LAMC3: variants seen among roughly 807,000 people sequenced by gnomAD.
The protein encoded by LAMC3 is laminin subunit gamma 3.
In LAMC3, 128 loss-of-function variants were observed where a neutral mutation model predicts 173.8. That is an observed-to-expected ratio of 0.74 (90% CI 0.64 to 0.85). The LOEUF is 0.85. Among genes scored for constraint, LAMC3 ranks in the 40% least tolerant of loss-of-function variants. LAMC3 has a pLI of 0.00. For synonymous variants in LAMC3, 897 were observed against 909.1 expected (o/e 0.99, Z 0.24); for missense variants, 2,022 against 2,156.0 (o/e 0.94, Z 1.23).
At chr9:131,015,022 G>A (rs535085648) in intron 1 of LAMC3, among the ~76,000 whole-genome samples, 1 of 152,168 alleles carries the variant, frequency 6.6e-6, no homozygotes, top group African/African-American at 2.4e-5. Flanking sequence ...GCCTGGGACT[G>A]TTCCAAGTGC....
At position 131,038,969 on chromosome 9, in the gene LAMC3, G is replaced by A. The variant is rs1460578982; in HGVS notation, c.1082G>A (p.Gly361Glu). 1 of 1,613,340 alleles carries A rather than the reference G, an allele frequency of 6.2e-7. No homozygotes were observed. The highest frequency in any genetic ancestry group is 8.5e-7 in the Non-Finnish European group (1 of 1,180,038). Residue 361 changes from glycine (G) to glutamate (E), a missense_variant, in exon 5 of 28, where the codon GGG (glycine) becomes GAG (glutamate). By Grantham distance (98) the Gly-to-Glu change is moderately conservative. Coordinates refer to ENST00000361069, the MANE Select transcript of LAMC3 (RefSeq NM_006059.4). ...CACCACTGCCGTGACCACACAGCTG[G>A]GCCACACTGTGAGCGCTGTCAGGAG... ...RCHHCRDHTA[G>E]PHCERCQENF... is the part of the protein sequence containing the mutation.
chr9:131,026,107 T>A lies in LAMC3; in HGVS notation c.374-178T>A, dbSNP rs1206959644. Among the ~76,000 whole-genome samples, 1 of 152,202 alleles carries A rather than the reference T, an allele frequency of 6.6e-6. No homozygotes were observed. The highest frequency in any genetic ancestry group is 1.5e-5 in the Non-Finnish European group (1 of 68,034). ...CTTGGGAAGCATGTGGGCATTGTCCTTTCCAGTGCCCCAGCAGGCATCATG... is the reference window on the plus strand; with the variant it reads ...CTTGGGAAGCATGTGGGCATTGTCCATTCCAGTGCCCCAGCAGGCATCATG... On this transcript the variant is annotated intron_variant, in intron 1 of 27. Coordinates refer to ENST00000361069, the MANE Select transcript of LAMC3 (RefSeq NM_006059.4). The surrounding 1 kb of genome is among the most constrained non-coding windows in gnomAD (Gnocchi z 4.8).
At chr9:131,041,831 C>T in intron 7 of LAMC3, 96 bp downstream of exon 7, 1 of 1,044,462 alleles carries the variant, frequency 9.6e-7, no homozygotes, top group Non-Finnish European at 1.4e-6. Context: ...GAGCAAGGGG[C>T]ACGGTCTTCA....
chr9:131,026,673 A>G lies in LAMC3; in HGVS notation c.678+84A>G. On this transcript the variant is annotated intron_variant, in intron 2 of 27. Transcript: ENST00000361069. The surrounding 1 kb of genome is among the most constrained non-coding windows in gnomAD (Gnocchi z 4.8). ...AGGAGGGTCTGATGTGCCAGGACAC[A>G]CAGGGTGGGGGACCTGCAAAACCCC... 3 of 1,452,798 alleles carry G rather than the reference A, an allele frequency of 2.1e-6. No homozygotes were observed. The highest frequency in any genetic ancestry group is 2.7e-6 in the Non-Finnish European group (3 of 1,106,388). 90.0% of individuals were successfully genotyped at this position (1,452,798 alleles called of 1,614,324 possible). A position where few individuals can be genotyped will look rare whatever the true frequency, so the allele number is the denominator to read the frequency against.
chr9:131,035,436 G>A (rs1833924858), intron 3 of LAMC3, among the ~76,000 whole-genome samples: 1 of 152,056 alleles, frequency 6.6e-6, no homozygotes, highest in Non-Finnish European at 1.5e-5. Flanking sequence ...ATGGGGTGGG[G>A]CTGACGGGTG....
At chr9:131,053,532 G>T (rs915429651) in intron 11 of LAMC3, among the ~76,000 whole-genome samples, 1 of 152,112 alleles carries the variant, frequency 6.6e-6, no homozygotes, top group Non-Finnish European at 1.5e-5. Context: ...CTACCCACAC[G>T]CTATTTTAAA....
At chr9:131,075,337 G>T (rs1469456452) in intron 20 of LAMC3, among the ~76,000 whole-genome samples, 2 of 152,202 alleles carry the variant, frequency 1.3e-5, no homozygotes, top group Non-Finnish European at 2.9e-5. Context: ...ACTTTGGGAG[G>T]CCGAGGTGGG....
In LAMC3 at chr9:131,091,745, C is replaced by A; in HGVS notation, c.4686C>A (p.Ala1562=). The part of the protein sequence containing the change: ...EIRADKQNLE[A]ILHSLPENCA... ...GCGCCGACAAACAGAACCTGGAGGC[C>A]ATTCTGCACAGCCTGCCCGAGAACT... The change falls in exon 28 of 28, where the codon GCC becomes GCA. Residue 1562 remains alanine (A), a synonymous_variant. Transcript: ENST00000361069. 1 of 1,613,308 alleles carries A rather than the reference C, an allele frequency of 6.2e-7. No homozygotes were observed. The highest frequency in any genetic ancestry group is 2.2e-5 in the East Asian group (1 of 44,888).
At position 131,082,796 on chromosome 9, in the gene LAMC3, G is replaced by A. The variant is rs143223690; in HGVS notation, c.4030+635G>A. Among the ~76,000 whole-genome samples, 356 of 152,330 alleles carry A rather than the reference G, an allele frequency of 2.3e-3. 1 individual carries two copies. Among genetic ancestry groups the A allele is most frequent in the Non-Finnish European group, 3.6e-3 (244 of 68,034 alleles). On this transcript the variant is annotated intron_variant, in intron 24 of 27. Coordinates refer to ENST00000361069, the MANE Select transcript of LAMC3 (RefSeq NM_006059.4). ...CTTATCCAACGGGCTGGATAAGGCA[G>A]GAACACACTCTGAACCCCAGATGTC... is the stretch of plus-strand genomic sequence containing the variant.
At chr9:131,040,865 C>T (rs1202376770) in intron 6 of LAMC3, among the ~76,000 whole-genome samples, 1 of 152,186 alleles carries the variant, frequency 6.6e-6, no homozygotes, top group Non-Finnish European at 1.5e-5. Flanking sequence ...TCCCACAACA[C>T]GTATCGCGGT....
chr9:131,034,048 G>A (rs1265725383), intron 3 of LAMC3, among the ~76,000 whole-genome samples: 1 of 152,186 alleles, frequency 6.6e-6, no homozygotes, highest in Non-Finnish European at 1.5e-5. Context: ...GCGGCCATGA[G>A]CTCCAGTGCC....
chr9:131,020,463 A>G (rs747214398), intron 1 of LAMC3, among the ~76,000 whole-genome samples: 1 of 152,162 alleles, frequency 6.6e-6, no homozygotes, highest in Non-Finnish European at 1.5e-5. Flanking sequence ...ATGAATCAAG[A>G]TTGCCAAGTC....
chr9:131,021,198 C>T (rs1833617603), intron 1 of LAMC3: 1 of 152,196 alleles, frequency 6.6e-6, no homozygotes, highest in African/African-American at 2.4e-5. Context: ...TCTCGGCTGC[C>T]ACAGAAAGCA....
In LAMC3 at chr9:131,085,733, G is replaced by A. The variant is rs1830320273; in HGVS notation, c.4230+10G>A. On this transcript the variant is annotated intron_variant, in intron 25 of 27. Coordinates refer to ENST00000361069, the MANE Select transcript of LAMC3 (RefSeq NM_006059.4). ...CAAGGACAGTGCCAAGGTCAGGGTG[G>A]TGGCTGTGACAACAGTGGCCTCCTT... is the stretch of plus-strand genomic sequence containing the variant. 6.2e-7 allele frequency: 1 copy of A among 1,613,994 alleles called. No homozygotes were observed. Among genetic ancestry groups the A allele is most frequent in the Non-Finnish European group, 8.5e-7 (1 of 1,179,878 alleles).
intron 17 of LAMC3, 23 bp downstream of exon 17, chr9:131,069,873 A>G: frequency 6.4e-7 from 1 of 1,563,444 alleles, no homozygotes; most frequent in African/African-American, 1.4e-5. Context: ...AGACCCACTC[A>G]CCTTTCCATT....
At chr9:131,031,078 C>T (rs775518152) in intron 2 of LAMC3, among the ~76,000 whole-genome samples, 22 of 152,248 alleles carry the variant, frequency 1.4e-4, no homozygotes, top group Non-Finnish European at 3.1e-4. Context: ...GCCCTGGGTC[C>T]CCGGCAGTAG....
At position 131,087,721 on chromosome 9, in the gene LAMC3, G is replaced by A. The variant is rs752020155; in HGVS notation, c.4381G>A (p.Gly1461Ser). 1 of 1,614,110 alleles carries A rather than the reference G, an allele frequency of 6.2e-7. No homozygotes were observed. Among genetic ancestry groups the A allele is most frequent in the Non-Finnish European group, 8.5e-7 (1 of 1,179,982 alleles). ...RQELEEAERV[G>S]AGLSEMEQQI... is the part of the protein sequence containing the mutation. Reference sequence around the variant, plus strand: ...TTCTTCCTCCTCCCCCTGAAAGGTGGGTGCTGGGCTGAGCGAGATGGAGCA... The same window carrying A: ...TTCTTCCTCCTCCCCCTGAAAGGTGAGTGCTGGGCTGAGCGAGATGGAGCA... The change falls in exon 27 of 28, where the codon GGT becomes AGT. Residue 1461 changes from glycine to serine, a missense_variant. By Grantham distance (56) the Gly-to-Ser change is moderately conservative. Coordinates refer to ENST00000361069, the MANE Select transcript of LAMC3 (RefSeq NM_006059.4).
chr9:131,086,400 T>C, intron 25 of LAMC3, among the ~76,000 whole-genome samples: 1 of 149,950 alleles, frequency 6.7e-6, no homozygotes. Context: ...GTTTTGTTTT[T>C]TTTTTTTGCT....
chr9:131,064,909 T>C (rs11244270), intron 13 of LAMC3, among the ~76,000 whole-genome samples: 126,129 of 151,594 alleles, frequency 0.83, 52,731 homozygotes, highest in African/African-American at 0.85. Flanking sequence ...GGTGTGGTGG[T>C]GCACGCCTGT....
Sources: gnomAD v4.1 joint callset for allele counts (sites outside exome capture counted in the v4.1 genomes callset) on GRCh38, gnomAD v4.1.1 for gene constraint, Gnocchi (gnomAD v3.1) non-coding constraint, MANE v1.5 for transcripts, NCBI Gene and HGNC (gene_info 2026-07-23, HGNC 2026-07-21) for gene names.